The following TNFAIP8 variants were observed in gnomAD, a reference collection of about 807,000 sequenced individuals.
The protein encoded by TNFAIP8 is tumor necrosis factor alpha-induced protein 8.
In TNFAIP8, 7 loss-of-function variants were observed where a neutral mutation model predicts 13.3. That is an observed-to-expected ratio of 0.52 (90% CI 0.30 to 0.99). The LOEUF is 0.99. Among genes scored for constraint, TNFAIP8 ranks in the 50% least tolerant of loss-of-function variants. The pLI, the probability that TNFAIP8 is intolerant of heterozygous loss-of-function variation, is 0.07. For synonymous variants in TNFAIP8, 94 were observed against 87.6 expected (o/e 1.07, Z -0.41); for missense variants, 258 against 236.9 (o/e 1.09, Z -0.58).
intron 1 of TNFAIP8, among the ~76,000 whole-genome samples, chr5:119,349,367 AC>A (rs1410988503): frequency 1.3e-5 from 2 of 152,372 alleles, no homozygotes; most frequent in East Asian, 3.8e-4. Context: ...CATTATAACA[AC>A]CCTGTTAAAT....
intron 1 of TNFAIP8, among the ~76,000 whole-genome samples, chr5:119,372,990 T>A (rs979642434): frequency 9.2e-5 from 14 of 152,184 alleles, no homozygotes; most frequent in African/African-American, 3.4e-4. Context: ...AATAAAGTTA[T>A]GTTAGTTAAC....
intron 1 of TNFAIP8, among the ~76,000 whole-genome samples, chr5:119,350,809 C>T (rs1472900047): frequency 6.6e-6 from 1 of 152,196 alleles, no homozygotes; most frequent in Non-Finnish European, 1.5e-5. Flanking sequence ...GACTGGCCAC[C>T]AGTGGCTTTC....
chr5:119,360,898 C>G (rs1751609136), intron 1 of TNFAIP8, among the ~76,000 whole-genome samples: 1 of 152,218 alleles, frequency 6.6e-6, no homozygotes, highest in African/African-American at 2.4e-5. Context: ...AAATTTAGCT[C>G]TGCAAGTAGA....
chr5:119,272,853 T>A (rs1411951714), intron 1 of TNFAIP8, among the ~76,000 whole-genome samples: 2 of 152,236 alleles, frequency 1.3e-5, no homozygotes, highest in South Asian at 4.1e-4. Context: ...AAAACCAACA[T>A]GGTGATGTTT....
At chr5:119,303,571 A>C (rs908252469) in intron 1 of TNFAIP8, among the ~76,000 whole-genome samples, 11 of 152,186 alleles carry the variant, frequency 7.2e-5, no homozygotes, top group African/African-American at 2.7e-4. Flanking sequence ...TGGGTGTAGT[A>C]GATCCAAAAA....
At chr5:119,362,100 GGAC>G (rs1237275521) in intron 1 of TNFAIP8, among the ~76,000 whole-genome samples, 2 of 152,196 alleles carry the variant, frequency 1.3e-5, no homozygotes, top group African/African-American at 4.8e-5. Flanking sequence ...ATCAGACAGT[GGAC>G]CCTATGAAAG....
chr5:119,290,632 A>G (rs1169134794), intron 1 of TNFAIP8, among the ~76,000 whole-genome samples: 1 of 152,198 alleles, frequency 6.6e-6, no homozygotes, highest in Non-Finnish European at 1.5e-5. Flanking sequence ...GGATTACACA[A>G]AAGAATGAAT....
At chr5:119,327,829 C>T (rs1750267654) in intron 1 of TNFAIP8, among the ~76,000 whole-genome samples, 1 of 152,174 alleles carries the variant, frequency 6.6e-6, no homozygotes, top group African/African-American at 2.4e-5. Flanking sequence ...AATGAAGTGA[C>T]TGAGGCACAG....
chr5:119,314,635 G>T (rs1249988191), intron 1 of TNFAIP8, among the ~76,000 whole-genome samples: 1 of 152,148 alleles, frequency 6.6e-6, no homozygotes, highest in African/African-American at 2.4e-5. Flanking sequence ...TTGTTTTTTT[G>T]TTTTTGAGAA....
intron 1 of TNFAIP8, among the ~76,000 whole-genome samples, chr5:119,296,851 T>C (rs1219934424): frequency 9.2e-5 from 14 of 152,096 alleles, no homozygotes; most frequent in Non-Finnish European, 1.9e-4. Context: ...TGGTTTAGTC[T>C]TGGGAGGGTG....
chr5:119,306,313 TC>T (rs1749556462), intron 1 of TNFAIP8: 1 of 141,842 alleles, frequency 7.1e-6, no homozygotes, highest in African/African-American at 3.1e-5. Context: ...TTTCTTTCTT[TC>T]TTTCTTTTTC....
In TNFAIP8 at chr5:119,284,490, G is replaced by A. The variant is rs538797148; in HGVS notation, c.1+15583G>A. Reference sequence around the variant, plus strand: ...GAGGCCAGGAGTTCAAGACCAGCTTGACCAACATGGCAAAACCCCCTCTCT... The same window carrying A: ...GAGGCCAGGAGTTCAAGACCAGCTTAACCAACATGGCAAAACCCCCTCTCT... On this transcript the variant is annotated intron_variant, in intron 1 of 1. Transcript: ENST00000274456. Among the ~76,000 whole-genome samples the A allele has an allele frequency of 1.5e-4, 23 of 152,196 alleles. No individual in the cohort carries two copies. The South Asian group carries it at 3.9e-3, about 26-fold the overall frequency.
intron 1 of TNFAIP8, among the ~76,000 whole-genome samples, chr5:119,367,853 A>G (rs1446035844): frequency 6.6e-6 from 1 of 152,170 alleles, no homozygotes. Context: ...TTTTCAGGCC[A>G]TCACTTTACC....
At chr5:119,272,231 CA>C (rs1307317623) in intron 1 of TNFAIP8, among the ~76,000 whole-genome samples, 1 of 152,180 alleles carries the variant, frequency 6.6e-6, no homozygotes, top group Non-Finnish European at 1.5e-5. Flanking sequence ...TGCTATTCCT[CA>C]ACTTTGGAGG....
intron 1 of TNFAIP8, among the ~76,000 whole-genome samples, chr5:119,277,758 G>C (rs747154956): frequency 1.3e-5 from 2 of 152,168 alleles, no homozygotes; most frequent in Non-Finnish European, 2.9e-5. Context: ...CAGTTCTGGG[G>C]GCTGGGAATT....
intron 1 of TNFAIP8, among the ~76,000 whole-genome samples, chr5:119,357,466 G>A (rs1751474474): frequency 6.6e-6 from 1 of 152,174 alleles, no homozygotes; most frequent in Non-Finnish European, 1.5e-5. Context: ...GTGAACTTCT[G>A]TGTGAATTAC....
rs1233816919 is a variant in TNFAIP8, at chr5:119,341,511, A to G, written c.2-51305A>G. On this transcript the variant is annotated intron_variant, in intron 1 of 1. Transcript: ENST00000274456. ...GGCTATAAGCCATCTGACTTCAACT[A>G]TCACTGCTGTGTTTGCTCAGTCTCA... Among the ~76,000 whole-genome samples the G allele has an allele frequency of 3.3e-5, 5 of 152,204 alleles. No individual in the cohort carries two copies. In the East Asian group the frequency reaches 5.8e-4, roughly 18 times the overall value.
At chr5:119,366,315 A>T (rs1751856249) in intron 1 of TNFAIP8, among the ~76,000 whole-genome samples, 1 of 152,074 alleles carries the variant, frequency 6.6e-6, no homozygotes, top group South Asian at 2.1e-4. Context: ...CACTGTGCAG[A>T]CTTGGAGCCA....
chr5:119,269,002 CAG>C (rs1173887160), intron 1 of TNFAIP8: 18 of 624,582 alleles, frequency 2.9e-5, no homozygotes, highest in African/African-American at 2.7e-4. Flanking sequence ...GCCTCCGGCT[CAG>C]AGAGTTTCTG....
Sources: allele counts gnomAD v4.1 joint callset (sites outside exome capture counted in the v4.1 genomes callset), GRCh38; gene constraint gnomAD v4.1.1; transcripts MANE v1.5; gene names NCBI Gene and HGNC (gene_info 2026-07-23, HGNC 2026-07-21).